Variants in TMEM132C observed in about 807,000 individuals in gnomAD.
TMEM132C encodes protein phosphatase 1, regulatory subunit 152.
In TMEM132C, 29 loss-of-function variants were observed where a neutral mutation model predicts 61.4. The observed-to-expected ratio is 0.47, with a 90% CI of 0.35 to 0.64. The LOEUF (loss-of-function observed/expected upper bound fraction) is 0.64. Ranked by LOEUF, TMEM132C falls within the 30% of genes least tolerant of loss-of-function variation. The pLI is 0.00. For missense variants in TMEM132C, 1,408 were observed against 1,476.9 expected (o/e 0.95, Z 0.76); for synonymous variants, 656 against 633.1 (o/e 1.04, Z -0.54).
chr12:128,321,877 A>T (rs900081564), intron 1 of TMEM132C, among the ~76,000 whole-genome samples: 2 of 152,144 alleles, frequency 1.3e-5, no homozygotes, highest in African/African-American at 4.8e-5. Flanking sequence ...CTATTGCCTA[A>T]CTCCAATGAG....
intron 3 of TMEM132C, among the ~76,000 whole-genome samples, chr12:128,573,809 A>G (rs1874989841): frequency 6.6e-6 from 1 of 151,654 alleles, no homozygotes; most frequent in Admixed American, 6.6e-5. Flanking sequence ...GAATGGACTT[A>G]CTGCCACTGA....
chr12:128,355,634 T>C (rs1466176534), intron 1 of TMEM132C, among the ~76,000 whole-genome samples: 2 of 151,888 alleles, frequency 1.3e-5, no homozygotes, highest in African/African-American at 4.8e-5. Context: ...ATGTACTCTC[T>C]CTTCATACCT....
At chr12:128,279,495 G>A (rs539600253) in intron 1 of TMEM132C, among the ~76,000 whole-genome samples, 61 of 152,198 alleles carry the variant, frequency 4.0e-4, no homozygotes, top group South Asian at 1.9e-3. Flanking sequence ...CAGTCTGTGC[G>A]GTGATCTACA....
chr12:128,601,280 A>G (rs1163721177), intron 3 of TMEM132C, among the ~76,000 whole-genome samples: 2 of 151,996 alleles, frequency 1.3e-5, no homozygotes, highest in Non-Finnish European at 2.9e-5. Flanking sequence ...ATGAATACCA[A>G]CCTGACTTGT....
chr12:128,304,286 ATG>A (rs944023327), intron 1 of TMEM132C, among the ~76,000 whole-genome samples: 6 of 152,056 alleles, frequency 3.9e-5, no homozygotes, highest in Admixed American at 1.3e-4. Context: ...CAGATAGAAA[ATG>A]TGTGTGTGCG....
chr12:128,670,622 T>G (rs1954522788), intron 5 of TMEM132C, among the ~76,000 whole-genome samples: 1 of 152,236 alleles, frequency 6.6e-6, no homozygotes, highest in Non-Finnish European at 1.5e-5. Flanking sequence ...TTTTTTAAGG[T>G]TGAACAGTCT....
At chr12:128,373,945 C>T (rs933216715) in intron 1 of TMEM132C, among the ~76,000 whole-genome samples, 4 of 152,306 alleles carry the variant, frequency 2.6e-5, no homozygotes, top group Admixed American at 6.5e-5. Flanking sequence ...TTCAGTCAGG[C>T]GAGTAGTGGG....
At chr12:128,503,219 G>A (rs959193410) in intron 2 of TMEM132C, among the ~76,000 whole-genome samples, 3 of 152,196 alleles carry the variant, frequency 2.0e-5, no homozygotes, top group African/African-American at 4.8e-5. Context: ...GTCACATCTG[G>A]AGATACATTA....
At chr12:128,298,110 C>T (rs1871467509) in intron 1 of TMEM132C, among the ~76,000 whole-genome samples, 1 of 152,206 alleles carries the variant, frequency 6.6e-6, no homozygotes, top group South Asian at 2.1e-4. Flanking sequence ...TTTATCTCCT[C>T]TCCTTCTGCC....
chr12:128,599,880 C>CCACG (rs1876107117), intron 3 of TMEM132C, among the ~76,000 whole-genome samples: 1 of 152,142 alleles, frequency 6.6e-6, no homozygotes, highest in African/African-American at 2.4e-5. Context: ...TAGGAAGGAC[C>CCACG]TGGTGGGAGG....
chr12:128,494,555 T>A (rs1346762682), intron 2 of TMEM132C, among the ~76,000 whole-genome samples: 1 of 152,200 alleles, frequency 6.6e-6, no homozygotes, highest in African/African-American at 2.4e-5. Context: ...GGGATTCAAC[T>A]TCTTCTTGGT....
chr12:128,531,093 G>A (rs896746864), intron 2 of TMEM132C, among the ~76,000 whole-genome samples: 3 of 142,028 alleles, frequency 2.1e-5, no homozygotes, highest in Non-Finnish European at 4.5e-5. Context: ...CAAAACATTG[G>A]TAATTGTTTT....
At chr12:128,403,751 C>A (rs1451243707) in intron 1 of TMEM132C, among the ~76,000 whole-genome samples, 2 of 152,144 alleles carry the variant, frequency 1.3e-5, no homozygotes, top group Non-Finnish European at 1.5e-5. Flanking sequence ...AGTTGTGGGA[C>A]AAGGATTCAT....
intron 3 of TMEM132C, among the ~76,000 whole-genome samples, chr12:128,550,207 ATC>A (rs1333596690): frequency 6.6e-6 from 1 of 151,772 alleles, no homozygotes; most frequent in East Asian, 1.9e-4. Flanking sequence ...CTGGTGAGGG[ATC>A]TCTTCCTGGC....
chr12:128,399,824 G>A (rs1875089109), intron 1 of TMEM132C, among the ~76,000 whole-genome samples: 1 of 151,922 alleles, frequency 6.6e-6, no homozygotes, highest in African/African-American at 2.4e-5. Flanking sequence ...GAAAAGTGTT[G>A]TTTAATAGAG....
intron 1 of TMEM132C, among the ~76,000 whole-genome samples, chr12:128,404,162 C>G (rs769568084): frequency 6.6e-6 from 1 of 152,198 alleles, no homozygotes; most frequent in Non-Finnish European, 1.5e-5. Context: ...CTTGCACACC[C>G]TAAAACAATT....
At chr12:128,354,114 C>G (rs1333900088) in intron 1 of TMEM132C, among the ~76,000 whole-genome samples, 1 of 152,124 alleles carries the variant, frequency 6.6e-6, no homozygotes, top group Non-Finnish European at 1.5e-5. Flanking sequence ...TATCTGCAAA[C>G]TGCGCAGTTA....
chr12:128,312,319 G>GT (rs1251299262), intron 1 of TMEM132C, among the ~76,000 whole-genome samples: 1 of 151,996 alleles, frequency 6.6e-6, no homozygotes, highest in Non-Finnish European at 1.5e-5. Flanking sequence ...TTGTTTGTTC[G>GT]TTTTTTGAGA....
Position 128,416,239 on chromosome 12 carries a change from C to T in TMEM132C, c.974+619C>T, listed in dbSNP as rs116617357. Reference sequence around the variant, plus strand: ...CAGCAGCATAATCCACCTACTGTCACCATGGCGGGTTCAACAGAGAGCAGC... The same window carrying T: ...CAGCAGCATAATCCACCTACTGTCATCATGGCGGGTTCAACAGAGAGCAGC... On this transcript the variant is annotated intron_variant, in intron 2 of 8. Transcript: ENST00000435159. 7.4e-3 allele frequency among the ~76,000 whole-genome samples: 1,120 copies of T among 152,252 alleles called. 16 individuals carry two copies. The highest frequency in any genetic ancestry group is 0.024 in the African/African-American group (990 of 41,534).
Sources: gnomAD v4.1 joint callset for allele counts (sites outside exome capture counted in the v4.1 genomes callset) on GRCh38, gnomAD v4.1.1 for gene constraint, MANE v1.5 for transcripts, NCBI Gene and HGNC (gene_info 2026-07-23, HGNC 2026-07-21) for gene names.